ARHGAP31: variants seen among roughly 807,000 people sequenced by gnomAD.
ARHGAP31 encodes the protein Rho GTPase activating protein 31.
ARHGAP31 carries 34 observed loss-of-function variants against 113.9 expected under a neutral mutation model. The ratio of observed to expected loss-of-function variants is 0.30; its 90% CI spans 0.23 to 0.40. The LOEUF is 0.40. Ranked by LOEUF, ARHGAP31 falls within the 10% of genes least tolerant of loss-of-function variation. The pLI, the probability that ARHGAP31 is intolerant of heterozygous loss-of-function variation, is 1.00. For synonymous variants in ARHGAP31, 650 were observed against 684.8 expected, an observed-to-expected ratio of 0.95 and a Z score of 0.79; for missense variants, 1,548 against 1,767.1, an observed-to-expected ratio of 0.88 and a Z score of 2.22.
chr3:119,344,955 AT>A (rs61341906), intron 1 of ARHGAP31, among the ~76,000 whole-genome samples: 1 of 149,496 alleles, frequency 6.7e-6, no homozygotes, highest in East Asian at 2.0e-4. Flanking sequence ...TGCTGGTGGG[AT>A]TTTTTTTTGC....
Position 119,414,920 on chromosome 3 carries a change from T to C in ARHGAP31, c.2991T>C (p.Thr997=), listed in dbSNP as rs2080759083. ...LQPQAPRREI[T]GWDEKALRSF... ...CCCAGGCACCCAGGAGAGAGATTAC[T>C]GGATGGGATGAGAAAGCCCTGAGGT... The change falls in exon 12 of 12, where the codon ACT becomes ACC. Residue 997 remains threonine, a synonymous_variant. Transcript: ENST00000264245. 2 of 1,614,178 alleles carry C rather than the reference T, an allele frequency of 1.2e-6. No homozygotes were observed. The highest frequency in any genetic ancestry group is 1.6e-4 in the Middle Eastern group (1 of 6,062).
chr3:119,396,394 T>C (rs1449061195), intron 8 of ARHGAP31, among the ~76,000 whole-genome samples: 1 of 152,256 alleles, frequency 6.6e-6, no homozygotes, highest in East Asian at 1.9e-4. Flanking sequence ...TAATCAGATC[T>C]TCACTAACTG....
At chr3:119,370,493 C>T (rs116423219) in intron 3 of ARHGAP31, among the ~76,000 whole-genome samples, 1,816 of 152,212 alleles carry the variant, frequency 0.012, 42 homozygotes, top group African/African-American at 0.042. Flanking sequence ...AATCTCAAAT[C>T]ACCTGAAATT....
intron 1 of ARHGAP31, among the ~76,000 whole-genome samples, chr3:119,330,445 C>T (rs563052701): frequency 1.3e-5 from 2 of 152,236 alleles, no homozygotes; most frequent in South Asian, 2.1e-4. Flanking sequence ...TGCATTCCTT[C>T]GCTGGGATAA....
intron 1 of ARHGAP31, chr3:119,322,887 G>A (rs951213680): frequency 6.5e-6 from 1 of 153,598 alleles, no homozygotes; most frequent in Non-Finnish European, 1.4e-5. Context: ...CGGGGGTCCC[G>A]GGTGCCCTCT....
chr3:119,416,606 G>C lies in ARHGAP31; in HGVS notation c.*342G>C. The C allele has an allele frequency of 3.0e-6, 1 of 337,998 alleles. No homozygotes were observed. The highest frequency in any genetic ancestry group is 5.6e-6 in the Non-Finnish European group (1 of 177,880). 20.9% of individuals were successfully genotyped at this position (337,998 alleles called of 1,614,324 possible). ...TATCTATTACTCTTGAGAGCTGGCTGTCCTTTGAAAGAAAGAAGTAATGTT... is the reference window on the plus strand; with the variant it reads ...TATCTATTACTCTTGAGAGCTGGCTCTCCTTTGAAAGAAAGAAGTAATGTT... On this transcript the variant is annotated 3_prime_UTR_variant, in exon 12 of 12. Coordinates refer to ENST00000264245, the MANE Select transcript of ARHGAP31 (RefSeq NM_020754.4).
At chr3:119,396,611 A>T (rs1221131722) in intron 8 of ARHGAP31, among the ~76,000 whole-genome samples, 1 of 152,234 alleles carries the variant, frequency 6.6e-6, no homozygotes, top group East Asian at 1.9e-4. Context: ...GTAATCCACC[A>T]GTGTGGTCTC....
At chr3:119,328,263 T>A (rs2079862797) in intron 1 of ARHGAP31, among the ~76,000 whole-genome samples, 1 of 152,116 alleles carries the variant, frequency 6.6e-6, no homozygotes, top group Non-Finnish European at 1.5e-5. Context: ...GAAAACCGAA[T>A]CTAAGAAGAC....
chr3:119,304,259 C>T (rs2079610998), intron 1 of ARHGAP31, among the ~76,000 whole-genome samples: 1 of 152,136 alleles, frequency 6.6e-6, no homozygotes, highest in African/African-American at 2.4e-5. Flanking sequence ...AAAAGAAGTA[C>T]AAAGAAGAAT....
chr3:119,404,204 G>C (rs944025416), intron 10 of ARHGAP31, among the ~76,000 whole-genome samples: 77 of 152,290 alleles, frequency 5.1e-4, no homozygotes, highest in African/African-American at 1.7e-3. Context: ...TGTGAGATTT[G>C]TTATCCTCTC....
Position 119,414,582 on chromosome 3 carries a change from C to A in ARHGAP31, c.2653C>A (p.Pro885Thr). ...GGATGTAACCCATTCAGTACAGGAGCCTTCAGACTGTGACGAAGATGACAC... is the reference window on the plus strand; with the variant it reads ...GGATGTAACCCATTCAGTACAGGAGACTTCAGACTGTGACGAAGATGACAC... ...EEDVTHSVQE[P>T]SDCDEDDTVT... Residue 885 changes from proline (P) to threonine (T), a missense_variant, in exon 12 of 12, where the codon CCT becomes ACT. By Grantham distance (38) the Pro-to-Thr change is conservative (BLOSUM62 -1). Transcript: ENST00000264245. 6.2e-7 allele frequency: 1 copy of A among 1,614,236 alleles called. No homozygotes were observed.
chr3:119,320,051 T>A (rs1242426483), intron 1 of ARHGAP31, among the ~76,000 whole-genome samples: 9 of 152,016 alleles, frequency 5.9e-5, no homozygotes, highest in Non-Finnish European at 2.9e-5. Flanking sequence ...CCACAGAGAG[T>A]CCTAGATTTC....
chr3:119,336,766 A>G (rs191089634), intron 1 of ARHGAP31, among the ~76,000 whole-genome samples: 20 of 152,234 alleles, frequency 1.3e-4, no homozygotes, highest in South Asian at 1.2e-3. Flanking sequence ...CATTTGCATC[A>G]CCCTCAAAAG....
At chr3:119,398,836 G>A (rs1415573069) in intron 8 of ARHGAP31, among the ~76,000 whole-genome samples, 2 of 152,160 alleles carry the variant, frequency 1.3e-5, no homozygotes, top group African/African-American at 2.4e-5. Flanking sequence ...TGCTGAATAC[G>A]AAGAATGCCC....
At chr3:119,334,049 T>G (rs570329058) in intron 1 of ARHGAP31, among the ~76,000 whole-genome samples, 86 of 152,286 alleles carry the variant, frequency 5.6e-4, no homozygotes, top group Non-Finnish European at 1.5e-4. Flanking sequence ...AGACAGTGCC[T>G]CAACTCCTTT....
At chr3:119,316,352 C>G (rs1038165714) in intron 1 of ARHGAP31, among the ~76,000 whole-genome samples, 1 of 152,210 alleles carries the variant, frequency 6.6e-6, no homozygotes, top group African/African-American at 2.4e-5. Flanking sequence ...TTGAGAATAA[C>G]TTTCTCTAAA....
chr3:119,379,994 G>C (rs2080381298), intron 3 of ARHGAP31, among the ~76,000 whole-genome samples: 1 of 152,204 alleles, frequency 6.6e-6, no homozygotes, highest in Admixed American at 6.5e-5. Context: ...TCTGCCCAGG[G>C]ATGCCTGCAT....
intron 6 of ARHGAP31, among the ~76,000 whole-genome samples, chr3:119,385,218 G>GT (rs746615797): frequency 2.7e-5 from 4 of 149,604 alleles, no homozygotes; most frequent in Non-Finnish European, 5.9e-5. Flanking sequence ...GTGAACCACT[G>GT]TGCCTAGCTG....
chr3:119,372,081 C>T (rs549727085), intron 3 of ARHGAP31, among the ~76,000 whole-genome samples: 3 of 152,160 alleles, frequency 2.0e-5, no homozygotes, highest in South Asian at 2.1e-4. Context: ...CGTGTGCATG[C>T]GTCTTACGGT....
Sources: gnomAD v4.1 joint callset for allele counts (sites outside exome capture counted in the v4.1 genomes callset) on GRCh38, gnomAD v4.1.1 for gene constraint, MANE v1.5 for transcripts, NCBI Gene and HGNC (gene_info 2026-07-23, HGNC 2026-07-21) for gene names.